Variants in SBF2 observed in about 807,000 individuals in gnomAD.
The protein encoded by SBF2 is myotubularin-related protein 13.
SBF2 carries 112 observed loss-of-function variants against 225.2 expected under a neutral mutation model. The ratio of observed to expected loss-of-function variants is 0.50; its 90% CI spans 0.43 to 0.58. The LOEUF (loss-of-function observed/expected upper bound fraction) is 0.58. SBF2 is among the 20% of genes least tolerant of loss of function. The pLI, the probability that SBF2 is intolerant of heterozygous loss-of-function variation, is 0.00. For synonymous variants in SBF2, 763 were observed against 773.3 expected, an observed-to-expected ratio of 0.99 and a Z score of 0.22; for missense variants, 1,996 against 2,206.2, an observed-to-expected ratio of 0.90 and a Z score of 1.91.
At chr11:9,786,666 T>G (rs1255251877) in intron 36 of SBF2, among the ~76,000 whole-genome samples, 3 of 152,312 alleles carry the variant, frequency 2.0e-5, no homozygotes, top group Admixed American at 1.3e-4. Context: ...CAGTCTGATG[T>G]GGGTTCGATT....
chr11:10,143,577 TGAA>T lies in SBF2; in HGVS notation c.141+50322_141+50324del, dbSNP rs372114455. On this transcript the variant is annotated intron_variant, in intron 2 of 39. Transcript: ENST00000256190. ...ACTATACCTATACTAAAACAGTAAATGAAGAAAAATTCTGGGTTCATAAATTGG... is the reference window on the plus strand; with the variant it reads ...ACTATACCTATACTAAAACAGTAAATGAAAAATTCTGGGTTCATAAATTGG... 2.2e-4 allele frequency among the ~76,000 whole-genome samples: 34 copies of T among 152,240 alleles called. No individual in the cohort carries two copies. In the South Asian group the frequency reaches 6.8e-3, roughly 31 times the overall value.
chr11:9,828,528 T>C (rs1460940091), intron 28 of SBF2: 1 of 985,364 alleles, frequency 1.0e-6, no homozygotes, highest in East Asian at 1.1e-4. Flanking sequence ...CTAATTCAAA[T>C]AGCTGATTAA....
chr11:10,190,192 T>C (rs1957108755), intron 2 of SBF2, among the ~76,000 whole-genome samples: 1 of 152,058 alleles, frequency 6.6e-6, no homozygotes, highest in Non-Finnish European at 1.5e-5. Context: ...AACAATACAA[T>C]TTTGCTTTAA....
At chr11:10,300,210 C>T (rs547692913) in intron 1 of SBF2, among the ~76,000 whole-genome samples, 3 of 152,300 alleles carry the variant, frequency 2.0e-5, no homozygotes, top group Non-Finnish European at 2.9e-5. Context: ...TATCTGGCTA[C>T]GTCACTAGGC....
intron 2 of SBF2, among the ~76,000 whole-genome samples, chr11:10,180,013 C>T (rs1033908868): frequency 2.6e-5 from 4 of 152,054 alleles, no homozygotes; most frequent in Non-Finnish European, 4.4e-5. Context: ...ACTTTGTTCC[C>T]CCACTTTTTA....
intron 2 of SBF2, among the ~76,000 whole-genome samples, chr11:10,098,968 T>G (rs752923709): frequency 2.6e-5 from 4 of 151,786 alleles, no homozygotes; most frequent in Non-Finnish European, 4.4e-5. Context: ...AAAAAGGATT[T>G]ATGGGACAAA....
At chr11:10,063,342 A>T (rs7106527) in intron 2 of SBF2, among the ~76,000 whole-genome samples, 55 of 90,268 alleles carry the variant, frequency 6.1e-4, no homozygotes, top group Admixed American at 3.3e-3. Flanking sequence ...ATATATATAT[A>T]TATTTTTTTA....
intron 6 of SBF2, among the ~76,000 whole-genome samples, chr11:10,017,196 A>G (rs1021589442): frequency 6.6e-6 from 1 of 152,232 alleles, no homozygotes; most frequent in African/African-American, 2.4e-5. Context: ...TTTTTGGGGA[A>G]AGAAAAAAAG....
intron 6 of SBF2, among the ~76,000 whole-genome samples, chr11:10,019,660 A>G (rs1370691739): frequency 6.7e-6 from 1 of 150,176 alleles, no homozygotes; most frequent in African/African-American, 2.4e-5. Flanking sequence ...CAAACATTGA[A>G]AAAAAAAAGA....
intron 1 of SBF2, among the ~76,000 whole-genome samples, chr11:10,275,498 T>C (rs1178525483): frequency 6.6e-6 from 1 of 152,198 alleles, no homozygotes; most frequent in Non-Finnish European, 1.5e-5. Flanking sequence ...GAATACTGTT[T>C]TACTATTCGT....
At chr11:9,849,046 C>T (rs758977000) in intron 22 of SBF2, among the ~76,000 whole-genome samples, 10 of 152,212 alleles carry the variant, frequency 6.6e-5, no homozygotes, top group South Asian at 4.1e-4. Flanking sequence ...AAGGCACTTT[C>T]GTGACCATTT....
In SBF2 at chr11:9,795,859, C is replaced by A; in HGVS notation, c.4542G>T (p.Leu1514=). Residue 1514 remains leucine (L), a synonymous_variant, in exon 33 of 40, where the codon CTG becomes CTT. Coordinates refer to ENST00000256190, the MANE Select transcript of SBF2 (RefSeq NM_030962.4). ...YVSNRFKTFL[L]DSDYERLEHG... ...GCTCTAATCTTTCATAGTCTGAATC[C>A]AGGAGAAATGTTTTAAAGCGATTAG... 6.2e-7 allele frequency: 1 copy of A among 1,613,776 alleles called. No homozygotes were observed. Among genetic ancestry groups the A allele is most frequent in the Non-Finnish European group, 8.5e-7 (1 of 1,179,880 alleles).
chr11:9,936,970 C>T (rs983147394), intron 16 of SBF2, among the ~76,000 whole-genome samples: 1 of 152,120 alleles, frequency 6.6e-6, no homozygotes, highest in South Asian at 2.1e-4. Context: ...ATGACCTAAT[C>T]ATCTCTTAAA....
At chr11:10,252,164 T>C (rs1195360001) in intron 1 of SBF2, among the ~76,000 whole-genome samples, 1 of 152,248 alleles carries the variant, frequency 6.6e-6, no homozygotes, top group Non-Finnish European at 1.5e-5. Flanking sequence ...TTCTTGCTTT[T>C]GCAAAACTCA....
At chr11:9,939,770 G>A (rs1025707282) in intron 16 of SBF2, among the ~76,000 whole-genome samples, 4 of 152,026 alleles carry the variant, frequency 2.6e-5, no homozygotes, top group African/African-American at 7.2e-5. Context: ...AAATAAAGAC[G>A]TATATACAAG....
intron 2 of SBF2, among the ~76,000 whole-genome samples, chr11:10,141,402 C>T (rs1954637836): frequency 6.6e-6 from 1 of 152,118 alleles, no homozygotes; most frequent in Non-Finnish European, 1.5e-5. Flanking sequence ...TGACCTTCTT[C>T]TATTCCTTCA....
At chr11:9,825,205 G>A (rs1854997814) in intron 28 of SBF2, among the ~76,000 whole-genome samples, 1 of 152,116 alleles carries the variant, frequency 6.6e-6, no homozygotes, top group Admixed American at 6.5e-5. Context: ...TATAAAAGGA[G>A]AAATTTGGAG....
chr11:9,912,862 T>C (rs1049379969), intron 16 of SBF2, among the ~76,000 whole-genome samples: 1 of 152,234 alleles, frequency 6.6e-6, no homozygotes, highest in Non-Finnish European at 1.5e-5. Flanking sequence ...TCACTGCATA[T>C]TGCATACAAG....
At chr11:10,003,497 A>G (rs1948062890) in intron 6 of SBF2, among the ~76,000 whole-genome samples, 1 of 151,542 alleles carries the variant, frequency 6.6e-6, no homozygotes, top group Non-Finnish European at 1.5e-5. Flanking sequence ...CCTCCTGAGT[A>G]GCTGGGATTA....
Sources: allele counts gnomAD v4.1 joint callset (sites outside exome capture counted in the v4.1 genomes callset), GRCh38; gene constraint gnomAD v4.1.1; transcripts MANE v1.5; gene names NCBI Gene and HGNC (gene_info 2026-07-23, HGNC 2026-07-21).